The following HMBOX1 variants were observed in gnomAD, a reference collection of about 807,000 sequenced individuals.
HMBOX1 encodes homeobox containing 1, also known as homeobox-containing protein 1.
A neutral mutation model predicts 54.5 loss-of-function variants in HMBOX1; 14 were observed. That is an observed-to-expected ratio of 0.26 (90% CI 0.17 to 0.40). HMBOX1 has a LOEUF of 0.40. Ranked by LOEUF, HMBOX1 falls within the 10% of genes least tolerant of loss-of-function variation. The probability of loss-of-function intolerance (pLI) is 1.00; values close to 1 mark genes in which losing one functional copy is unlikely to be tolerated. For synonymous variants in HMBOX1, 160 were observed against 181.0 expected, an observed-to-expected ratio of 0.88 and a Z score of 0.93; for missense variants, 332 against 514.4, an observed-to-expected ratio of 0.65 and a Z score of 3.43.
intron 4 of HMBOX1, among the ~76,000 whole-genome samples, chr8:28,983,972 A>G (rs937750194): frequency 5.3e-5 from 8 of 152,198 alleles, no homozygotes; most frequent in African/African-American, 1.9e-4. Flanking sequence ...CTGCCCAGCC[A>G]TCAAGCTAAA....
At chr8:28,912,352 A>T (rs1251436909) in intron 1 of HMBOX1, among the ~76,000 whole-genome samples, 1 of 152,146 alleles carries the variant, frequency 6.6e-6, no homozygotes, top group Non-Finnish European at 1.5e-5. Context: ...AAGAATCTCG[A>T]GTGTTTCCCA....
In HMBOX1 at chr8:28,936,445, A is replaced by T. The variant is rs1443320128; in HGVS notation, c.-57-27366A>T. Among the ~76,000 whole-genome samples, 4 of 152,140 alleles carry T rather than the reference A, an allele frequency of 2.6e-5. No homozygotes were observed. In the East Asian group the frequency reaches 7.7e-4, roughly 29 times the overall value. ...ATTATACATTTAAACTATAATAATA[A>T]TAAAACTGGTCATTAGAGTACTTTT... On this transcript the variant is annotated intron_variant, in intron 1 of 9. Coordinates refer to ENST00000287701, the MANE Select transcript of HMBOX1 (RefSeq NM_001135726.3).
chr8:28,981,538 T>C (rs1829340586), intron 4 of HMBOX1, among the ~76,000 whole-genome samples: 1 of 152,202 alleles, frequency 6.6e-6, no homozygotes, highest in Admixed American at 6.5e-5. Flanking sequence ...CCTCCATTAC[T>C]AGAAGCAATA....
chr8:28,899,232 T>C (rs1403150026), intron 1 of HMBOX1, among the ~76,000 whole-genome samples: 1 of 152,204 alleles, frequency 6.6e-6, no homozygotes, highest in Non-Finnish European at 1.5e-5. Flanking sequence ...TTTGGATCAC[T>C]AACCTACTAA....
At chr8:29,010,178 A>T in intron 5 of HMBOX1, 1 of 963,100 alleles carries the variant, frequency 1.0e-6, no homozygotes, top group Non-Finnish European at 1.2e-6. Context: ...TCTGACTCCC[A>T]GTTTTTATTT....
intron 6 of HMBOX1, among the ~76,000 whole-genome samples, chr8:29,030,903 T>C (rs1802860829): frequency 6.6e-6 from 1 of 152,248 alleles, no homozygotes; most frequent in African/African-American, 2.4e-5. Context: ...TTATGCATTA[T>C]AGAAATGAAA....
intron 1 of HMBOX1, among the ~76,000 whole-genome samples, chr8:28,915,323 T>G (rs1585755697): frequency 6.6e-6 from 1 of 152,152 alleles, no homozygotes; most frequent in East Asian, 1.9e-4. Flanking sequence ...TTTTGGAAGC[T>G]GAGGCGGGCG....
intron 1 of HMBOX1, among the ~76,000 whole-genome samples, chr8:28,912,452 C>G (rs1333523097): frequency 6.6e-6 from 1 of 152,176 alleles, no homozygotes; most frequent in Non-Finnish European, 1.5e-5. Context: ...ACAATATTGA[C>G]TATTCTCAAC....
At position 28,898,498 on chromosome 8, in the gene HMBOX1, G is replaced by C. The variant is rs17059536; in HGVS notation, c.-58+7820G>C. On this transcript the variant is annotated intron_variant, in intron 1 of 9. Coordinates refer to ENST00000287701, the MANE Select transcript of HMBOX1 (RefSeq NM_001135726.3). Reference sequence around the variant, plus strand: ...GGCGTTGTAGGGATTCAGCTGTTTTGGGTTGAAGAAGAGTGACTAGACCTT... The same window carrying C: ...GGCGTTGTAGGGATTCAGCTGTTTTCGGTTGAAGAAGAGTGACTAGACCTT... Among the ~76,000 whole-genome samples, 510 of 152,326 alleles carry C rather than the reference G, an allele frequency of 3.3e-3. 4 individuals are homozygous for C. The highest frequency in any genetic ancestry group is 0.011 in the African/African-American group (455 of 41,576).
chr8:28,905,892 TAA>T (rs1391416150), intron 1 of HMBOX1, among the ~76,000 whole-genome samples: 2 of 152,246 alleles, frequency 1.3e-5, no homozygotes, highest in African/African-American at 4.8e-5. Context: ...CAATTTTCAC[TAA>T]AGACTTGATT....
At chr8:28,945,993 C>T (rs929513106) in intron 1 of HMBOX1, among the ~76,000 whole-genome samples, 1 of 149,182 alleles carries the variant, frequency 6.7e-6, no homozygotes, top group Non-Finnish European at 1.5e-5. Context: ...TGCTCTGTCA[C>T]CCAGGCTGGA....
At chr8:29,011,116 G>T (rs1834167391) in intron 5 of HMBOX1, among the ~76,000 whole-genome samples, 2 of 152,188 alleles carry the variant, frequency 1.3e-5, no homozygotes, top group African/African-American at 4.8e-5. Flanking sequence ...AAATGGAATT[G>T]TATTTAGGGA....
chr8:28,961,486 G>A (rs1252841325), intron 1 of HMBOX1, among the ~76,000 whole-genome samples: 4 of 152,068 alleles, frequency 2.6e-5, no homozygotes, highest in Non-Finnish European at 5.9e-5. Context: ...GGGTTGTTTC[G>A]CTTAGCATCA....
chr8:29,017,072 G>T (rs1835136951), intron 5 of HMBOX1, among the ~76,000 whole-genome samples: 2 of 152,178 alleles, frequency 1.3e-5, no homozygotes, highest in Admixed American at 6.5e-5. Context: ...ACTTCTCCAT[G>T]TGGCATTTGC....
intron 4 of HMBOX1, among the ~76,000 whole-genome samples, chr8:28,994,245 A>G (rs535409024): frequency 3.9e-5 from 6 of 152,070 alleles, no homozygotes; most frequent in East Asian, 3.9e-4. Context: ...AATACACTAC[A>G]TAAGGTTAGA....
chr8:28,906,218 AT>A (rs1254233532), intron 1 of HMBOX1, among the ~76,000 whole-genome samples: 1 of 152,140 alleles, frequency 6.6e-6, no homozygotes, highest in Non-Finnish European at 1.5e-5. Context: ...GTTAATTACT[AT>A]TTCTGTAGTT....
chr8:28,941,217 G>T (rs1821353127), intron 1 of HMBOX1, among the ~76,000 whole-genome samples: 1 of 151,916 alleles, frequency 6.6e-6, no homozygotes, highest in Non-Finnish European at 1.5e-5. Flanking sequence ...TGTGCTGTGG[G>T]GCATAAAGAG....
intron 4 of HMBOX1, among the ~76,000 whole-genome samples, chr8:28,981,213 T>G (rs1829284876): frequency 6.6e-6 from 1 of 152,210 alleles, no homozygotes; most frequent in African/African-American, 2.4e-5. Context: ...GCCAATCTTT[T>G]ATAGTGTGTG....
At chr8:28,993,836 G>T (rs533748849) in intron 4 of HMBOX1, among the ~76,000 whole-genome samples, 1 of 151,946 alleles carries the variant, frequency 6.6e-6, no homozygotes, top group African/African-American at 2.4e-5. Context: ...TTATCTGCAA[G>T]AAAAAAATAC....
Sources: allele counts gnomAD v4.1 joint callset (sites outside exome capture counted in the v4.1 genomes callset), GRCh38; gene constraint gnomAD v4.1.1; transcripts MANE v1.5; gene names NCBI Gene and HGNC (gene_info 2026-07-23, HGNC 2026-07-21).